LAMA2: variants seen among roughly 807,000 people sequenced by gnomAD.
LAMA2 encodes laminin subunit alpha 2, also known as laminin subunit alpha-2.
LAMA2 carries 269 observed loss-of-function variants against 364.8 expected under a neutral mutation model. That is an observed-to-expected ratio of 0.74 (90% CI 0.67 to 0.82). The LOEUF is 0.82. Among genes scored for constraint, LAMA2 ranks in the 40% least tolerant of loss-of-function variants. The pLI is 0.00. For missense variants in LAMA2, 3,807 were observed against 3,873.2 expected, an observed-to-expected ratio of 0.98 and a Z score of 0.45; for synonymous variants, 1,379 against 1,370.6, an observed-to-expected ratio of 1.01 and a Z score of -0.14.
chr6:129,104,171 AT>A lies in LAMA2; in HGVS notation c.639+5763del, dbSNP rs556179045. ...ATCAGCCTCCAGCTAATTTTTTAAAATTTTTTTGTAGAGACAGGGTCTTGCT... is the reference window on the plus strand; with the variant it reads ...ATCAGCCTCCAGCTAATTTTTTAAAATTTTTTGTAGAGACAGGGTCTTGCT... On this transcript the variant is annotated intron_variant, in intron 4 of 64. Transcript: ENST00000421865. Among the ~76,000 whole-genome samples, 274 of 152,084 alleles carry A rather than the reference AT, an allele frequency of 1.8e-3. 1 individual carries two copies. The highest frequency in any genetic ancestry group is 6.3e-3 in the African/African-American group (262 of 41,498).
chr6:128,934,194 A>G (rs1381352256), intron 1 of LAMA2, among the ~76,000 whole-genome samples: 1 of 152,110 alleles, frequency 6.6e-6, no homozygotes, highest in Non-Finnish European at 1.5e-5. Context: ...TGAAAAGACT[A>G]TTTGTTCCCC....
At chr6:129,065,145 A>G (rs1789208853) in intron 3 of LAMA2, among the ~76,000 whole-genome samples, 1 of 152,230 alleles carries the variant, frequency 6.6e-6, no homozygotes, top group Non-Finnish European at 1.5e-5. Context: ...AGTAGAATGA[A>G]GGACAAAAAT....
Position 129,165,624 on chromosome 6 carries a change from A to G in LAMA2, c.1255A>G (p.Ile419Val), listed in dbSNP as rs746051487. The G allele has an allele frequency of 8.7e-6, 14 of 1,613,366 alleles. No individual in the cohort carries two copies. Among genetic ancestry groups the G allele is most frequent in the African/African-American group, 2.7e-5 (2 of 74,888 alleles). ...ATGCCAGCCATGTCATTGCGATCCAATTGGTTCCTTAAATGAAGTCTGTGT... is the reference window on the plus strand; with the variant it reads ...ATGCCAGCCATGTCATTGCGATCCAGTTGGTTCCTTAAATGAAGTCTGTGT... ...RPCQPCHCDP[I>V]GSLNEVCVKD... The change falls in exon 9 of 65, where the codon ATT becomes GTT. Residue 419 changes from isoleucine to valine, a missense_variant. By Grantham distance (29) the Ile-to-Val change is conservative (BLOSUM62 3). Around this residue, in one of 3 missense-constraint regions of LAMA2, gnomAD observed 3,333 missense variants for 3,345.7 expected, o/e 1.00. Coordinates refer to ENST00000421865, the MANE Select transcript of LAMA2 (RefSeq NM_000426.4).
At position 129,342,400 on chromosome 6, in the gene LAMA2, G is replaced by A; in HGVS notation, c.4369G>A (p.Gly1457Arg). 1 of 1,613,294 alleles carries A rather than the reference G, an allele frequency of 6.2e-7. No homozygotes were observed. The highest frequency in any genetic ancestry group is 8.5e-7 in the Non-Finnish European group (1 of 1,179,360). ...TGAACGATGTGCTCTTGGATACTAT[G>A]GAATTGTCAAGGGATTGCCAAATGA... ...FCERCALGYY[G>R]IVKGLPNDCQ... The change falls in exon 30 of 65, where the codon GGA becomes AGA. Residue 1457 changes from glycine to arginine, a missense_variant. Gly to Arg is a moderately radical substitution (Grantham distance 125). Coordinates refer to ENST00000421865, the MANE Select transcript of LAMA2 (RefSeq NM_000426.4).
chr6:128,911,875 TC>T (rs1777989886), intron 1 of LAMA2, among the ~76,000 whole-genome samples: 1 of 152,182 alleles, frequency 6.6e-6, no homozygotes. Flanking sequence ...TCTTAGAATT[TC>T]CTTTATATGA....
intron 1 of LAMA2, among the ~76,000 whole-genome samples, chr6:129,009,813 G>A (rs1236761252): frequency 2.6e-5 from 4 of 152,086 alleles, no homozygotes; most frequent in African/African-American, 4.8e-5. Flanking sequence ...AGTTTGACAC[G>A]TAACTCATAA....
At chr6:129,359,719 T>TTC (rs1305992931) in intron 32 of LAMA2, among the ~76,000 whole-genome samples, 1 of 135,878 alleles carries the variant, frequency 7.4e-6, no homozygotes, top group African/African-American at 2.8e-5. Context: ...AGCAGAGAAT[T>TTC]TATGTATCGC....
intron 30 of LAMA2, among the ~76,000 whole-genome samples, chr6:129,347,380 A>C (rs146697954): frequency 6.6e-6 from 1 of 152,310 alleles, no homozygotes; most frequent in East Asian, 1.9e-4. Context: ...CCTTAGGACT[A>C]AGTGAGATCA....
chr6:129,208,576 G>A (rs369628508), intron 12 of LAMA2, among the ~76,000 whole-genome samples: 1 of 142,538 alleles, frequency 7.0e-6, no homozygotes, highest in Non-Finnish European at 1.5e-5. Flanking sequence ...GAAAGAAAGA[G>A]AAAGAAAGGA....
At chr6:129,097,139 C>A (rs1425656487) in intron 3 of LAMA2, among the ~76,000 whole-genome samples, 1 of 152,184 alleles carries the variant, frequency 6.6e-6, no homozygotes, top group African/African-American at 2.4e-5. Context: ...AGCTCTCATA[C>A]CTCATAGCAT....
intron 1 of LAMA2, among the ~76,000 whole-genome samples, chr6:128,930,784 A>G (rs1779424115): frequency 6.6e-6 from 1 of 152,202 alleles, no homozygotes; most frequent in African/African-American, 2.4e-5. Flanking sequence ...TAATTATATA[A>G]ATTCCTTATG....
intron 4 of LAMA2, among the ~76,000 whole-genome samples, chr6:129,133,797 C>A (rs942733078): frequency 6.6e-6 from 1 of 151,980 alleles, no homozygotes; most frequent in Non-Finnish European, 1.5e-5. Context: ...GAGTAAAAAT[C>A]CAAATTAATG....
chr6:128,947,178 T>C (rs1780533451), intron 1 of LAMA2, among the ~76,000 whole-genome samples: 1 of 152,212 alleles, frequency 6.6e-6, no homozygotes, highest in Admixed American at 6.5e-5. Context: ...AAAGATAGAA[T>C]AGAACTTTTT....
chr6:129,192,258 G>C (rs1175270845), intron 11 of LAMA2, among the ~76,000 whole-genome samples: 1 of 152,132 alleles, frequency 6.6e-6, no homozygotes, highest in Non-Finnish European at 1.5e-5. Flanking sequence ...TTTTCAGGTT[G>C]TTTTTTCCAA....
chr6:128,898,052 G>A (rs1215863418), intron 1 of LAMA2, among the ~76,000 whole-genome samples: 1 of 152,168 alleles, frequency 6.6e-6, no homozygotes, highest in African/African-American at 2.4e-5. Context: ...AAATAGTAGT[G>A]CCTTTTTAAG....
chr6:129,348,213 A>G (rs1432618396), intron 30 of LAMA2, among the ~76,000 whole-genome samples: 1 of 152,206 alleles, frequency 6.6e-6, no homozygotes, highest in Non-Finnish European at 1.5e-5. Context: ...CAATTTGTTC[A>G]CATATTTTGC....
At chr6:128,987,016 A>G (rs1206413611) in intron 1 of LAMA2, among the ~76,000 whole-genome samples, 5 of 152,096 alleles carry the variant, frequency 3.3e-5, no homozygotes, top group Non-Finnish European at 7.4e-5. Flanking sequence ...TTGTTTAAAC[A>G]GTCCGCTTAA....
At chr6:129,306,340 G>T (rs1006929332) in intron 22 of LAMA2, among the ~76,000 whole-genome samples, 24 of 81,602 alleles carry the variant, frequency 2.9e-4, no homozygotes, top group South Asian at 7.4e-4. Context: ...TTTTGTTCCA[G>T]AAAGGTGTTT....
At chr6:128,944,109 T>A (rs909084255) in intron 1 of LAMA2, among the ~76,000 whole-genome samples, 1 of 151,692 alleles carries the variant, frequency 6.6e-6, no homozygotes, top group Non-Finnish European at 1.5e-5. Context: ...CCGTTGGTAC[T>A]GTGATAGGGG....
Sources: gnomAD v4.1 joint callset for allele counts (sites outside exome capture counted in the v4.1 genomes callset) on GRCh38, gnomAD v4.1.1 for gene constraint, gnomAD v4.1.1 regional missense constraint, MANE v1.5 for transcripts, NCBI Gene and HGNC (gene_info 2026-07-23, HGNC 2026-07-21) for gene names.